The following CLIP1 variants were observed in gnomAD, a reference collection of about 807,000 sequenced individuals.
The protein encoded by CLIP1 is CAP-Gly domain-containing linker protein 1.
CLIP1 carries 66 observed loss-of-function variants against 161.6 expected under a neutral mutation model. The ratio of observed to expected loss-of-function variants is 0.41; its 90% CI spans 0.33 to 0.50. The LOEUF is 0.50. Among genes scored for constraint, CLIP1 ranks in the 20% least tolerant of loss-of-function variants. The pLI is 0.27. For synonymous variants in CLIP1, 598 were observed against 626.2 expected (o/e 0.96, Z 0.67); for missense variants, 1,376 against 1,702.0 (o/e 0.81, Z 3.37).
At position 122,272,662 on chromosome 12, in the gene CLIP1, C is replaced by T. The variant is rs1955222343; in HGVS notation, c.*213G>A. ...ACGTAAAAATCAAGAAAACAAAATT[C>T]GAGGTGAAAACTCACCTACTAAATA... On this transcript the variant is annotated 3_prime_UTR_variant, in exon 26 of 26. Coordinates refer to ENST00000620786, the MANE Select transcript of CLIP1 (RefSeq NM_001247997.2). The T allele has an allele frequency of 7.5e-6, 4 of 536,294 alleles. No individual in the cohort carries two copies. The highest frequency in any genetic ancestry group is 2.5e-5 in the South Asian group (1 of 40,688). 33.2% of individuals were successfully genotyped at this position (536,294 alleles called of 1,614,324 possible). A position where few individuals can be genotyped will look rare whatever the true frequency, so the allele number is the denominator to read the frequency against.
At chr12:122,402,591 C>A (rs940149775) in intron 1 of CLIP1, among the ~76,000 whole-genome samples, 20 of 152,152 alleles carry the variant, frequency 1.3e-4, no homozygotes, top group Non-Finnish European at 2.4e-4. Flanking sequence ...GCCTGGCCAA[C>A]ATGGTGAAAC....
rs761294401 is a variant in CLIP1, at chr12:122,377,947, T to C, written c.99A>G (p.Val33=). The C allele has an allele frequency of 1.2e-5, 20 of 1,606,538 alleles. No homozygotes were observed. Among genetic ancestry groups the C allele is most frequent in the Admixed American group, 8.6e-5 (5 of 58,034 alleles). Residue 33 remains valine (V), a synonymous_variant, in exon 3 of 26, where the codon GTA becomes GTG. Transcript: ENST00000620786. ...LKTPTAVVAP[V]EKTISSEKAS... is the part of the protein sequence containing the mutation. ...CTTTTTCACTGGATATGGTTTTTTC[T>C]ACTGGAGCTACAACTGAAAACAAAA...
intron 19 of CLIP1, among the ~76,000 whole-genome samples, chr12:122,316,008 T>C (rs1320072881): frequency 1.3e-5 from 2 of 151,848 alleles, no homozygotes; most frequent in African/African-American, 2.4e-5. Context: ...TTTCCCCCTA[T>C]AAAAAGAGTT....
intron 20 of CLIP1, among the ~76,000 whole-genome samples, chr12:122,289,779 C>T (rs1450955927): frequency 6.6e-6 from 1 of 151,648 alleles, no homozygotes; most frequent in East Asian, 1.9e-4. Context: ...GGCCAAATAC[C>T]ACCAGTTTCA....
At chr12:122,398,861 A>G (rs1956036963) in intron 1 of CLIP1, among the ~76,000 whole-genome samples, 1 of 150,988 alleles carries the variant, frequency 6.6e-6, no homozygotes, top group Non-Finnish European at 1.5e-5. Flanking sequence ...TTTTTTTAAA[A>G]AGTTTAAGAA....
intron 19 of CLIP1, among the ~76,000 whole-genome samples, chr12:122,310,659 A>G (rs1951030054): frequency 6.6e-6 from 1 of 152,254 alleles, no homozygotes. Context: ...TTATACATGA[A>G]TATGCACAAT....
At chr12:122,413,660 A>T (rs1345204506) in intron 1 of CLIP1, among the ~76,000 whole-genome samples, 3 of 152,206 alleles carry the variant, frequency 2.0e-5, no homozygotes, top group Non-Finnish European at 2.9e-5. Context: ...AAAGAGGTGG[A>T]TGAGAATAAA....
At chr12:122,352,994 T>TA (rs55873939) in intron 7 of CLIP1, among the ~76,000 whole-genome samples, 10,212 of 138,226 alleles carry the variant, frequency 0.074, 927 homozygotes, top group African/African-American at 0.22. Context: ...TCCTTATATT[T>TA]AAAAAAAAAA....
rs117190178 is a variant in CLIP1 at position 122,355,472 on chromosome 12, A to C, written c.1006-160T>G. 6.0e-5 allele frequency: 37 copies of C among 615,662 alleles called. No homozygotes were observed. Among genetic ancestry groups the C allele is most frequent in the Non-Finnish European group, 9.3e-5 (32 of 344,930 alleles). The allele number at this position is 615,662 out of a possible 1,614,324, so 38.1% of individuals were successfully genotyped here. ...AAAGGCTTCCTCAAAAACACAAGAC[A>C]GTGTGTGCCTTCTGTCTATAAATCT... On this transcript the variant is annotated intron_variant, in intron 5 of 25. Transcript: ENST00000620786. The surrounding 1 kb of genome is among the most constrained non-coding windows in gnomAD (Gnocchi z 4.1).
At chr12:122,273,889 G>C (rs578215273) in intron 25 of CLIP1, 149 bp downstream of exon 25, 7 of 575,392 alleles carry the variant, frequency 1.2e-5, no homozygotes, top group Non-Finnish European at 2.2e-5. Flanking sequence ...GCAACACTAC[G>C]CCTGGCTAAC....
chr12:122,357,931 G>C (rs1276860223), intron 5 of CLIP1, among the ~76,000 whole-genome samples: 1 of 152,104 alleles, frequency 6.6e-6, no homozygotes, highest in South Asian at 2.1e-4. Flanking sequence ...ACCCCGTCTG[G>C]GAGGTGTACC....
At chr12:122,370,383 A>G (rs886648952) in intron 3 of CLIP1, among the ~76,000 whole-genome samples, 8 of 152,240 alleles carry the variant, frequency 5.3e-5, no homozygotes, top group African/African-American at 7.2e-5. Flanking sequence ...CGTTGGTGCC[A>G]TATCTACAAC....
intron 1 of CLIP1, among the ~76,000 whole-genome samples, chr12:122,394,784 C>CGGA (rs1955842764): frequency 6.6e-6 from 1 of 151,840 alleles, no homozygotes; most frequent in South Asian, 2.1e-4. Flanking sequence ...TCCCAGGAGG[C>CGGA]GGAGGTTGCA....
intron 1 of CLIP1, among the ~76,000 whole-genome samples, chr12:122,385,824 GC>G (rs1354930508): frequency 6.6e-6 from 1 of 152,184 alleles, no homozygotes; most frequent in Admixed American, 6.5e-5. Flanking sequence ...CCCCTGAGGA[GC>G]CCCCTTCAGA....
intron 19 of CLIP1, 149 bp downstream of exon 19, chr12:122,316,600 G>T: frequency 1.9e-6 from 1 of 526,552 alleles, no homozygotes; most frequent in Non-Finnish European, 3.3e-6. Context: ...CCTCACGGTG[G>T]TTACTGATGT....
rs548638411 is a variant in CLIP1, at chr12:122,394,736, A to C, written c.-106-14178T>G. Among the ~76,000 whole-genome samples, 6 of 151,660 alleles carry C rather than the reference A, an allele frequency of 4.0e-5. No homozygotes were observed. In the South Asian group the frequency reaches 1.3e-3, roughly 32 times the overall value. ...CCGCATCTCTACTAAAAATACAAAA[A>C]TTAGCTGGGTGTGGTGGTGCGCGCC... On this transcript the variant is annotated intron_variant, in intron 1 of 25. Coordinates refer to ENST00000620786, the MANE Select transcript of CLIP1 (RefSeq NM_001247997.2).
intron 19 of CLIP1, among the ~76,000 whole-genome samples, chr12:122,310,690 T>C (rs1002134755): frequency 1.3e-5 from 2 of 152,184 alleles, no homozygotes; most frequent in African/African-American, 2.4e-5. Flanking sequence ...TAAATCTTAG[T>C]TTTATGCTAT....
At chr12:122,409,193 T>C (rs1342727995) in intron 1 of CLIP1, among the ~76,000 whole-genome samples, 1 of 151,958 alleles carries the variant, frequency 6.6e-6, no homozygotes, top group Admixed American at 6.6e-5. Context: ...TGGCATGATC[T>C]CAGTTCACTG....
chr12:122,352,712 TG>T lies in CLIP1; in HGVS notation c.1368+13del. The T allele has an allele frequency of 6.2e-7, 1 of 1,609,800 alleles. No homozygotes were observed. Among genetic ancestry groups the T allele is most frequent in the East Asian group, 2.2e-5 (1 of 44,804 alleles). ...ATACCCATAAAAGCTGTAAGAGAGC[TG>T]GAGGGGTTTTACCTCAAGATCACCT... On this transcript the variant is annotated intron_variant, in intron 8 of 25. Coordinates refer to ENST00000620786, the MANE Select transcript of CLIP1 (RefSeq NM_001247997.2).
Sources: allele counts gnomAD v4.1 joint callset (sites outside exome capture counted in the v4.1 genomes callset), GRCh38; gene constraint gnomAD v4.1.1; non-coding constraint Gnocchi (gnomAD v3.1); transcripts MANE v1.5; gene names NCBI Gene and HGNC (gene_info 2026-07-23, HGNC 2026-07-21).